The following LRRC4C variants were observed in gnomAD, a reference collection of about 807,000 sequenced individuals.
LRRC4C encodes the protein leucine rich repeat containing 4C.
Under a neutral mutation model 33.6 loss-of-function variants are expected in LRRC4C, and 5 were observed. The observed-to-expected ratio is 0.15, with a 90% confidence interval of 0.08 to 0.31. The LOEUF is 0.31. Ranked by LOEUF, LRRC4C falls within the 10% of genes least tolerant of loss-of-function variation. LRRC4C has a pLI of 1.00. For synonymous variants in LRRC4C, 329 were observed against 302.0 expected (o/e 1.09, Z -0.93); for missense variants, 560 against 796.7 (o/e 0.70, Z 3.58).
At chr11:40,564,130 A>C (rs1957662280) in intron 3 of LRRC4C, among the ~76,000 whole-genome samples, 1 of 152,188 alleles carries the variant, frequency 6.6e-6, no homozygotes, top group South Asian at 2.1e-4. Context: ...TGTATGACTG[A>C]ATTTGTTGAC....
rs144394312 is a variant in LRRC4C, at chr11:40,377,671, C to A, written c.-269-57950G>T. 9.3e-3 allele frequency among the ~76,000 whole-genome samples: 1,407 copies of A among 151,986 alleles called. 69 individuals carry two copies. The highest frequency in any genetic ancestry group is 0.084 in the Admixed American group (1,277 of 15,256). Reference sequence around the variant, plus strand: ...GAATATTACTATTTTTTCTTCTAAGCAAAATTCTGATAAAGGCTCTGGAGG... The same window carrying A: ...GAATATTACTATTTTTTCTTCTAAGAAAAATTCTGATAAAGGCTCTGGAGG... On this transcript the variant is annotated intron_variant, in intron 3 of 6. Coordinates refer to ENST00000528697, the MANE Select transcript of LRRC4C (RefSeq NM_001258419.2).
intron 2 of LRRC4C, among the ~76,000 whole-genome samples, chr11:40,868,009 A>G (rs549918846): frequency 2.0e-5 from 3 of 152,236 alleles, no homozygotes; most frequent in African/African-American, 4.8e-5. Flanking sequence ...CTGTTTTTCA[A>G]CCTCCAGAAA....
intron 5 of LRRC4C, among the ~76,000 whole-genome samples, chr11:40,161,768 A>G (rs1435238297): frequency 6.6e-6 from 1 of 152,138 alleles, no homozygotes; most frequent in African/African-American, 2.4e-5. Flanking sequence ...GAAAAAAATT[A>G]AAAAGAAAAT....
intron 1 of LRRC4C, among the ~76,000 whole-genome samples, chr11:41,140,869 GAT>G (rs1334971298): frequency 6.6e-6 from 1 of 152,084 alleles, no homozygotes; most frequent in African/African-American, 2.4e-5. Context: ...ATTTGACACA[GAT>G]TATATTACTA....
At chr11:40,638,315 G>A (rs914166080) in intron 3 of LRRC4C, among the ~76,000 whole-genome samples, 1 of 152,140 alleles carries the variant, frequency 6.6e-6, no homozygotes, top group Admixed American at 6.5e-5. Context: ...CTCATGGGGA[G>A]TGCTCAATAA....
intron 1 of LRRC4C, among the ~76,000 whole-genome samples, chr11:41,339,426 T>C (rs1330482256): frequency 6.6e-6 from 1 of 152,186 alleles, no homozygotes; most frequent in African/African-American, 2.4e-5. Flanking sequence ...GTAAGCTTTG[T>C]CTATGACTAA....
intron 2 of LRRC4C, among the ~76,000 whole-genome samples, chr11:40,765,798 T>C (rs1949421815): frequency 6.6e-6 from 1 of 150,566 alleles, no homozygotes. Context: ...AAAAAAAAAT[T>C]AAATAAAAAG....
intron 3 of LRRC4C, among the ~76,000 whole-genome samples, chr11:40,353,375 A>T (rs1159278556): frequency 6.6e-6 from 1 of 151,964 alleles, no homozygotes; most frequent in Non-Finnish European, 1.5e-5. Flanking sequence ...AAACTAATGC[A>T]TTTTTTACTA....
At chr11:40,501,369 C>T (rs1163276239) in intron 3 of LRRC4C, among the ~76,000 whole-genome samples, 2 of 152,182 alleles carry the variant, frequency 1.3e-5, no homozygotes, top group African/African-American at 2.4e-5. Context: ...GTGTGGGAGT[C>T]CCCTCCCTAC....
At chr11:41,013,997 G>A (rs1030548094) in intron 1 of LRRC4C, among the ~76,000 whole-genome samples, 6 of 152,206 alleles carry the variant, frequency 3.9e-5, no homozygotes, top group Middle Eastern at 3.4e-3. Flanking sequence ...TGACCGCGTC[G>A]CCTTTCACCA....
intron 1 of LRRC4C, among the ~76,000 whole-genome samples, chr11:40,965,493 T>A (rs564095386): frequency 2.8e-4 from 42 of 152,280 alleles, no homozygotes; most frequent in African/African-American, 9.1e-4. Flanking sequence ...AGGGTTTTTA[T>A]GGTTTGAGGT....
chr11:40,192,446 C>G (rs1219979355), intron 5 of LRRC4C, among the ~76,000 whole-genome samples: 1 of 152,236 alleles, frequency 6.6e-6, no homozygotes, highest in Non-Finnish European at 1.5e-5. Flanking sequence ...ATCTCACGGT[C>G]TTCGCAATCT....
intron 4 of LRRC4C, among the ~76,000 whole-genome samples, chr11:40,299,352 G>C (rs1211357079): frequency 6.6e-6 from 1 of 152,120 alleles, no homozygotes; most frequent in African/African-American, 2.4e-5. Context: ...TATTACTTTA[G>C]AGAGACCACT....
chr11:40,174,743 A>T (rs184957497), intron 5 of LRRC4C, among the ~76,000 whole-genome samples: 5 of 152,368 alleles, frequency 3.3e-5, no homozygotes, highest in Admixed American at 3.3e-4. Flanking sequence ...GTGCAATAGT[A>T]GTAACAATAA....
intron 3 of LRRC4C, among the ~76,000 whole-genome samples, chr11:40,496,038 C>T (rs974971080): frequency 3.9e-5 from 6 of 151,966 alleles, no homozygotes; most frequent in Non-Finnish European, 7.4e-5. Context: ...CCTGGTTTCA[C>T]CAGGCTGGTT....
intron 3 of LRRC4C, among the ~76,000 whole-genome samples, chr11:40,525,831 G>A (rs1054515961): frequency 2.6e-5 from 4 of 151,984 alleles, no homozygotes; most frequent in African/African-American, 7.3e-5. Context: ...CCCAGATATC[G>A]AGATTGATTT....
Position 41,325,348 on chromosome 11 carries a change from T to C in LRRC4C, c.-496+134083A>G, listed in dbSNP as rs532833274. On this transcript the variant is annotated intron_variant, in intron 1 of 6. Transcript: ENST00000528697. ...TTTTGTTAGAATCCAGTCTGTGCCA[T>C]GACTATGCTTAGCTTTACTGGAAGT... Among the ~76,000 whole-genome samples the C allele has an allele frequency of 6.6e-5, 10 of 152,290 alleles. No individual in the cohort carries two copies. The South Asian group carries it at 2.1e-3, about 32-fold the overall frequency.
intron 1 of LRRC4C, among the ~76,000 whole-genome samples, chr11:41,179,195 T>G (rs1463315996): frequency 6.6e-6 from 1 of 151,990 alleles, no homozygotes; most frequent in African/African-American, 2.4e-5. Context: ...CTTTTTTTTT[T>G]TTTTTTAAGA....
At chr11:41,379,014 T>A (rs1345227368) in intron 1 of LRRC4C, among the ~76,000 whole-genome samples, 1 of 152,084 alleles carries the variant, frequency 6.6e-6, no homozygotes, top group East Asian at 1.9e-4. Context: ...TCATGCTTGT[T>A]TTTTTCTGTA....
Sources: gnomAD v4.1 joint callset for allele counts (sites outside exome capture counted in the v4.1 genomes callset) on GRCh38, gnomAD v4.1.1 for gene constraint, MANE v1.5 for transcripts, NCBI Gene and HGNC (gene_info 2026-07-23, HGNC 2026-07-21) for gene names.